The following GSDMC variants were observed in gnomAD, a reference collection of about 807,000 sequenced individuals.
The protein encoded by GSDMC is gasdermin C.
Under a neutral mutation model 58.0 loss-of-function variants are expected in GSDMC, and 59 were observed. The observed-to-expected ratio is 1.02, with a 90% CI of 0.82 to 1.26. GSDMC has a LOEUF of 1.26. Among genes scored for constraint, GSDMC ranks in the 50% most tolerant of loss-of-function variants. The pLI is 0.00. For missense variants in GSDMC, 659 were observed against 598.5 expected, an observed-to-expected ratio of 1.10 and a Z score of -1.06; for synonymous variants, 241 against 220.2, an observed-to-expected ratio of 1.09 and a Z score of -0.83.
chr8:129,715,496 C>T, the GSDMC span, among the ~76,000 whole-genome samples: 1 of 152,082 alleles, frequency 6.6e-6, no homozygotes, highest in African/African-American at 2.4e-5. Flanking sequence ...AGTAAACCCA[C>T]AGAACAAGAA....
intron 1 of GSDMC, 39 bp from the exon 2 acceptor site, chr8:129,777,630 A>G: frequency 1.9e-6 from 2 of 1,055,036 alleles, no homozygotes; most frequent in Non-Finnish European, 2.9e-6. Flanking sequence ...TTGGGAGAGG[A>G]AGAAAATGGT....
At chr8:129,781,544 A>G (rs1057224455) in intron 1 of GSDMC, among the ~76,000 whole-genome samples, 1 of 152,142 alleles carries the variant, frequency 6.6e-6, no homozygotes, top group African/African-American at 2.4e-5. Context: ...GGAGATCGAG[A>G]CCGTCCTGGC....
the GSDMC span, among the ~76,000 whole-genome samples, chr8:129,706,331 C>CA: frequency 1.3e-4 from 20 of 152,008 alleles, no homozygotes; most frequent in African/African-American, 4.8e-4. Flanking sequence ...AAACAAAAAT[C>CA]AAAAAAAGCA....
At chr8:129,726,999 TACACAC>T in the GSDMC span, among the ~76,000 whole-genome samples, 3 of 93,016 alleles carry the variant, frequency 3.2e-5, no homozygotes, top group Non-Finnish European at 5.7e-5. Flanking sequence ...CCAATACACA[TACACAC>T]ACACACACAC....
At chr8:129,726,321 C>T in the GSDMC span, among the ~76,000 whole-genome samples, 2 of 152,086 alleles carry the variant, frequency 1.3e-5, no homozygotes, top group Admixed American at 6.5e-5. Flanking sequence ...TCAGTTGATG[C>T]CCCACTTCTC....
the GSDMC span, among the ~76,000 whole-genome samples, chr8:129,730,765 C>T: frequency 1.8e-4 from 28 of 152,206 alleles, 1 homozygote; most frequent in South Asian, 5.2e-3. Flanking sequence ...CCAACTTTAC[C>T]GTGGTGTGAA....
At chr8:129,743,219 T>C (rs1362031653), downstream of GSDMC, among the ~76,000 whole-genome samples, 4 of 152,212 alleles carry the variant, frequency 2.6e-5, no homozygotes. Flanking sequence ...ACTTTAGTTA[T>C]GGGGCTCCAA....
chr8:129,747,256 CAA>C (rs35323267), downstream of GSDMC, among the ~76,000 whole-genome samples: 1,510 of 134,512 alleles, frequency 0.011, 7 homozygotes, highest in South Asian at 0.024. Context: ...GACTCTGTCT[CAA>C]AAAAAAAAAA....
At chr8:129,750,175 A>G in intron 11 of GSDMC, 56 bp from the exon 12 acceptor site, 1 of 1,350,174 alleles carries the variant, frequency 7.4e-7, no homozygotes, top group Non-Finnish European at 1.0e-6. Flanking sequence ...AATGTTATAT[A>G]ATTTGCCTGT....
chr8:129,706,606 T>G, the GSDMC span: 1 of 152,208 alleles, frequency 6.6e-6, no homozygotes, highest in East Asian at 1.9e-4. Context: ...TCAGTGTATA[T>G]CTGTGGAAGG....
At chr8:129,774,406 T>A (rs541643721) in intron 3 of GSDMC, among the ~76,000 whole-genome samples, 1 of 151,996 alleles carries the variant, frequency 6.6e-6, no homozygotes, top group Admixed American at 6.5e-5. Context: ...TCAAAGTAGA[T>A]TAGAAACCTG....
chr8:129,766,946 G>T (rs2033882563), intron 3 of GSDMC, among the ~76,000 whole-genome samples: 1 of 152,182 alleles, frequency 6.6e-6, no homozygotes, highest in African/African-American at 2.4e-5. Context: ...AGTGGTCAAG[G>T]CTTCAGCAAT....
the GSDMC span, among the ~76,000 whole-genome samples, chr8:129,741,155 A>C: frequency 1.3e-5 from 2 of 151,952 alleles, no homozygotes; most frequent in Non-Finnish European, 2.9e-5. Context: ...ATTGACCCTA[A>C]ATACTTCGGT....
the GSDMC span, among the ~76,000 whole-genome samples, chr8:129,711,616 T>C: frequency 6.6e-6 from 1 of 152,158 alleles, no homozygotes; most frequent in Non-Finnish European, 1.5e-5. Flanking sequence ...CCCAGGGGTT[T>C]CAAGGCTGAT....
At chr8:129,722,848 T>A in the GSDMC span, 1 of 152,226 alleles carries the variant, frequency 6.6e-6, no homozygotes, top group African/African-American at 2.4e-5. Context: ...AGTCATATGT[T>A]TTTGTTTGGG....
chr8:129,781,978 A>C (rs1439386720), intron 1 of GSDMC, among the ~76,000 whole-genome samples: 1 of 152,236 alleles, frequency 6.6e-6, no homozygotes, highest in Non-Finnish European at 1.5e-5. Context: ...TCACAGAACC[A>C]GTCTTAAAAC....
rs200005605 is a variant in GSDMC at position 129,777,463 on chromosome 8, T to C, written c.125A>G (p.Lys42Arg). Residue 42 changes from lysine (K) to arginine (R), a missense_variant, in exon 2 of 14, where the codon AAG becomes AGG. Transcript: ENST00000276708. Reference sequence around the variant, plus strand: ...CCAAAATGATGAACGAGAATCCTTCTTCTTTCGTAATATAACAAACTGACG... The same window carrying C: ...CCAAAATGATGAACGAGAATCCTTCCTCTTTCGTAATATAACAAACTGACG... Reference protein sequence around the residue: ...KLRQFVILRKKKDSRSSFWEQ... With the variant: ...KLRQFVILRKRKDSRSSFWEQ... 1.9e-6 allele frequency: 3 copies of C among 1,613,110 alleles called. No individual in the cohort carries two copies. Among genetic ancestry groups the C allele is most frequent in the Non-Finnish European group, 8.5e-7 (1 of 1,179,154 alleles).
chr8:129,725,149 C>G, the GSDMC span, among the ~76,000 whole-genome samples: 1 of 152,174 alleles, frequency 6.6e-6, no homozygotes, highest in Non-Finnish European at 1.5e-5. Context: ...CACACATGCC[C>G]TCTCTCCATC....
At chr8:129,712,983 C>T in the GSDMC span, among the ~76,000 whole-genome samples, 2 of 152,128 alleles carry the variant, frequency 1.3e-5, no homozygotes, top group Admixed American at 6.5e-5. Flanking sequence ...TCAGGGATGT[C>T]GGGGTGAGGA....
Sources: allele counts gnomAD v4.1 joint callset (sites outside exome capture counted in the v4.1 genomes callset), GRCh38; gene constraint gnomAD v4.1.1; transcripts MANE v1.5; gene names NCBI Gene and HGNC (gene_info 2026-07-23, HGNC 2026-07-21).